CEP57L1: variants seen among roughly 807,000 people sequenced by gnomAD.
CEP57L1 encodes the protein centrosomal protein CEP57L1.
In CEP57L1, 37 loss-of-function variants were observed where a neutral mutation model predicts 61.0. The ratio of observed to expected loss-of-function variants is 0.61; its 90% CI spans 0.47 to 0.80. The LOEUF is 0.80. Among genes scored for constraint, CEP57L1 ranks in the 30% least tolerant of loss-of-function variants. CEP57L1 has a pLI of 0.00. For synonymous variants in CEP57L1, 137 were observed against 162.3 expected, an observed-to-expected ratio of 0.84 and a Z score of 1.19; for missense variants, 422 against 524.7, an observed-to-expected ratio of 0.80 and a Z score of 1.91.
intron 1 of CEP57L1, among the ~76,000 whole-genome samples, chr6:109,109,686 C>T (rs1771350854): frequency 6.6e-6 from 1 of 152,158 alleles, no homozygotes; most frequent in Admixed American, 6.5e-5. Flanking sequence ...GCTACCCTGC[C>T]CTAGCACCAA....
At chr6:109,111,904 T>C (rs1771678161) in intron 1 of CEP57L1, among the ~76,000 whole-genome samples, 1 of 152,256 alleles carries the variant, frequency 6.6e-6, no homozygotes, top group Admixed American at 6.5e-5. Context: ...AGCTTTTTCA[T>C]GTGCTGCTGG....
At chr6:109,110,439 G>C (rs1007117902) in intron 1 of CEP57L1, among the ~76,000 whole-genome samples, 5 of 151,234 alleles carry the variant, frequency 3.3e-5, no homozygotes, top group Non-Finnish European at 1.5e-5. Context: ...TAGTCAGATG[G>C]ATAGACTGCA....
intron 1 of CEP57L1, among the ~76,000 whole-genome samples, chr6:109,101,759 A>G (rs919054450): frequency 4.6e-5 from 7 of 151,714 alleles, no homozygotes; most frequent in Non-Finnish European, 7.4e-5. Context: ...AGCTGGGATT[A>G]CAGGCGCCCG....
At chr6:109,098,735 C>A (rs1467026805) in intron 1 of CEP57L1, among the ~76,000 whole-genome samples, 1 of 152,020 alleles carries the variant, frequency 6.6e-6, no homozygotes, top group African/African-American at 2.4e-5. Context: ...TCAAGTGATC[C>A]TCCTGCCTCA....
Position 109,150,243 on chromosome 6 carries a change from A to G in CEP57L1, c.462+4A>G, listed in dbSNP as rs187603268. ...GAACATGATCCTAGAACAACAGGTG[A>G]GCATATTTTCTATAAGGAATGATAA... On this transcript the variant is annotated splice_donor_region_variant and intron_variant, in intron 4 of 10. Transcript: ENST00000517392. 6.3e-7 allele frequency: 1 copy of G among 1,590,824 alleles called. No homozygotes were observed. Among genetic ancestry groups the G allele is most frequent in the Non-Finnish European group, 8.6e-7 (1 of 1,161,220 alleles).
intron 1 of CEP57L1, among the ~76,000 whole-genome samples, chr6:109,118,678 A>G (rs931009334): frequency 1.3e-5 from 2 of 152,248 alleles, no homozygotes; most frequent in African/African-American, 4.8e-5. Context: ...AAGCAATGTT[A>G]TGACAAACCC....
At position 109,171,532 on chromosome 6, in the gene CEP57L1, A is replaced by G. The variant is rs1026435617; in HGVS notation, c.*8562A>G. ...AGTGCTGGGATTACAGGTGTGAGCC[A>G]CCGCGCCCTGCCTAGAGTTTGATTC... On this transcript the variant is annotated 3_prime_UTR_variant, in exon 11 of 11. Transcript: ENST00000517392. Among the ~76,000 whole-genome samples, 2 of 152,060 alleles carry G rather than the reference A, an allele frequency of 1.3e-5. No individual in the cohort carries two copies. The highest frequency in any genetic ancestry group is 4.8e-5 in the African/African-American group (2 of 41,414).
At chr6:109,125,492 C>CTATATATATATATATATATA (rs3081793) in intron 1 of CEP57L1, among the ~76,000 whole-genome samples, 7 of 143,064 alleles carry the variant, frequency 4.9e-5, no homozygotes, top group African/African-American at 1.8e-4. Flanking sequence ...TTTTTAAATG[C>CTATATATATATATATATATA]TATATATATA....
intron 4 of CEP57L1, among the ~76,000 whole-genome samples, chr6:109,150,699 G>GA (rs540516410): frequency 0.016 from 2,313 of 145,860 alleles, 34 homozygotes; most frequent in African/African-American, 0.03. Context: ...AAAGCATCCA[G>GA]AAAAAAAAAA....
chr6:109,112,684 A>G (rs980407081), intron 1 of CEP57L1, among the ~76,000 whole-genome samples: 4 of 152,078 alleles, frequency 2.6e-5, no homozygotes, highest in East Asian at 3.8e-4. Flanking sequence ...TCCTTTAAAT[A>G]TGTCACAGAG....
chr6:109,133,150 T>C (rs933078197), intron 1 of CEP57L1, among the ~76,000 whole-genome samples: 5 of 152,222 alleles, frequency 3.3e-5, no homozygotes, highest in Non-Finnish European at 2.9e-5. Context: ...ACCTTACTTA[T>C]GTTGTCTCAT....
At chr6:109,155,943 C>A in intron 7 of CEP57L1, 66 bp downstream of exon 7, 1 of 709,118 alleles carries the variant, frequency 1.4e-6, no homozygotes, top group Non-Finnish European at 2.4e-6. Context: ...ACCTCTTAAT[C>A]CTTATACCTA....
At chr6:109,108,412 A>G (rs893103828) in intron 1 of CEP57L1, among the ~76,000 whole-genome samples, 3 of 151,880 alleles carry the variant, frequency 2.0e-5, no homozygotes, top group Non-Finnish European at 4.4e-5. Flanking sequence ...GGGTTTCACT[A>G]TTTTGGCCAG....
intron 1 of CEP57L1, among the ~76,000 whole-genome samples, chr6:109,136,481 G>T (rs1362555868): frequency 1.3e-5 from 2 of 151,372 alleles, no homozygotes; most frequent in Non-Finnish European, 2.9e-5. Flanking sequence ...GAGTTAATGG[G>T]TGCAGCCCAC....
chr6:109,134,246 G>A (rs548873346), intron 1 of CEP57L1, among the ~76,000 whole-genome samples: 1 of 152,008 alleles, frequency 6.6e-6, no homozygotes, highest in East Asian at 1.9e-4. Flanking sequence ...TGGGATGCAA[G>A]GCTGGTTCAA....
rs368498400 is a variant in CEP57L1 at position 109,111,086 on chromosome 6, G to A, written c.-4+15511G>A. Among the ~76,000 whole-genome samples, 40 of 152,244 alleles carry A rather than the reference G, an allele frequency of 2.6e-4. No homozygotes were observed. The South Asian group carries it at 7.7e-3, about 29-fold the overall frequency. On this transcript the variant is annotated intron_variant, in intron 1 of 10. Coordinates refer to ENST00000517392, the MANE Select transcript of CEP57L1 (RefSeq NM_001271852.3). ...AGAAAGTCAATGGTAGCTTGATCAG[G>A]ATAGCATTAAATCTATAAATTACTT...
rs549548753 is a variant in CEP57L1, at chr6:109,162,091, T to A, written c.1162-658T>A. ...TAAAGTTATTCCCTTGACTTTTTTT[T>A]AAACAGCCATTCAATAGTACTTTAA... On this transcript the variant is annotated intron_variant, in intron 10 of 10. Transcript: ENST00000517392. Among the ~76,000 whole-genome samples the A allele has an allele frequency of 2.6e-5, 4 of 152,146 alleles. No individual in the cohort carries two copies. In the East Asian group the frequency reaches 7.7e-4, roughly 29 times the overall value.
At chr6:109,117,134 A>C (rs1374853022) in intron 1 of CEP57L1, among the ~76,000 whole-genome samples, 1 of 152,052 alleles carries the variant, frequency 6.6e-6, no homozygotes, top group Admixed American at 6.6e-5. Flanking sequence ...ATAATCAGAA[A>C]TATATATATA....
Position 109,145,345 on chromosome 6 carries a change from A to G in CEP57L1, c.124A>G (p.Thr42Ala), listed in dbSNP as rs763312807. The G allele has an allele frequency of 6.2e-7, 1 of 1,611,214 alleles. No individual in the cohort carries two copies. The highest frequency in any genetic ancestry group is 1.7e-5 in the Admixed American group (1 of 59,876). ...TTGCCATCCTGCAAACTTAGAAGTT[A>G]CCTCTCCTAAGATACTTCATAGCCC... Reference protein sequence around the residue: ...QNCHPANLEVTSPKILHSPNS... With the variant: ...QNCHPANLEVASPKILHSPNS... The change falls in exon 2 of 11, where the codon ACC (threonine) becomes GCC (alanine). Residue 42 changes from threonine (T) to alanine (A), a missense_variant. By Grantham distance (58) the Thr-to-Ala change is moderately conservative. Transcript: ENST00000517392.
Sources: gnomAD v4.1 joint callset for allele counts (sites outside exome capture counted in the v4.1 genomes callset) on GRCh38, gnomAD v4.1.1 for gene constraint, MANE v1.5 for transcripts, NCBI Gene and HGNC (gene_info 2026-07-23, HGNC 2026-07-21) for gene names.